LARS2: variants seen among roughly 807,000 people sequenced by gnomAD.
LARS2 encodes leucyl-tRNA synthetase 2, mitochondrial, also known as leucine--tRNA ligase, mitochondrial.
A neutral mutation model predicts 116.6 loss-of-function variants in LARS2; 81 were observed. The ratio of observed to expected loss-of-function variants is 0.69; its 90% CI spans 0.58 to 0.84. LARS2 has a LOEUF of 0.84. Ranked by LOEUF, LARS2 falls within the 40% of genes least tolerant of loss-of-function variation. LARS2 has a pLI of 0.00. For synonymous variants in LARS2, 396 were observed against 407.2 expected (o/e 0.97, Z 0.33); for missense variants, 968 against 1,114.5 (o/e 0.87, Z 1.87).
intron 4 of LARS2, among the ~76,000 whole-genome samples, chr3:45,412,799 C>A (rs1698352577): frequency 6.6e-6 from 1 of 152,176 alleles, no homozygotes; most frequent in Non-Finnish European, 1.5e-5. Flanking sequence ...AGCACATATC[C>A]CTTACAGAAA....
At chr3:45,460,409 A>G (rs1213305365) in intron 8 of LARS2, among the ~76,000 whole-genome samples, 3 of 152,212 alleles carry the variant, frequency 2.0e-5, no homozygotes, top group Non-Finnish European at 2.9e-5. Context: ...TGATTCTGTT[A>G]TAGGCATTGT....
Position 45,520,273 on chromosome 3 carries a change from A to T in LARS2, c.2269A>T (p.Met757Leu), listed in dbSNP as rs1478071728. The T allele has an allele frequency of 2.5e-6, 4 of 1,613,542 alleles. No homozygotes were observed. The highest frequency in any genetic ancestry group is 3.4e-6 in the Non-Finnish European group (4 of 1,179,516). ...ACTGAATTCTGCAATTTCTCAGCTGATGGGACTCAGCAATGCCCTCTCGGT... is the reference window on the plus strand; with the variant it reads ...ACTGAATTCTGCAATTTCTCAGCTGTTGGGACTCAGCAATGCCCTCTCGGT... ...FSLNSAISQL[M>L]GLSNALSQAS... Residue 757 changes from methionine (M) to leucine (L), a missense_variant, in exon 19 of 22, where the codon ATG (methionine) becomes TTG (leucine). Physicochemically the swap from Met to Leu is conservative, Grantham distance 15. Coordinates refer to ENST00000645846, the MANE Select transcript of LARS2 (RefSeq NM_015340.4).
intron 3 of LARS2, among the ~76,000 whole-genome samples, chr3:45,395,832 T>A (rs549483147): frequency 1.3e-5 from 2 of 152,280 alleles, no homozygotes; most frequent in African/African-American, 4.8e-5. Flanking sequence ...TTGAAAAAGA[T>A]GTAGTGTGTA....
intron 4 of LARS2, among the ~76,000 whole-genome samples, chr3:45,405,597 G>C (rs1214335244): frequency 2.0e-5 from 3 of 152,140 alleles, no homozygotes; most frequent in Non-Finnish European, 1.5e-5. Flanking sequence ...TGTCATTCTA[G>C]ATGATTACTT....
rs1207073969 is a variant in LARS2, at chr3:45,513,206, A to G, written c.1832A>G (p.Tyr611Cys). The G allele has an allele frequency of 1.2e-6, 2 of 1,612,778 alleles. No individual in the cohort carries two copies. The highest frequency in any genetic ancestry group is 1.7e-6 in the Non-Finnish European group (2 of 1,178,728). Reference sequence around the variant, plus strand: ...ACATTCCGCCTACCATCTGGACAGTATCTACAGAGAGAGGAAGTGGATCTC... The same window carrying G: ...ACATTCCGCCTACCATCTGGACAGTGTCTACAGAGAGAGGAAGTGGATCTC... ...GQTFRLPSGQ[Y>C]LQREEVDLTG... is the part of the protein sequence containing the mutation. Residue 611 changes from tyrosine to cysteine, a missense_variant, in exon 16 of 22, where the codon TAT becomes TGT. By Grantham distance (194) the Tyr-to-Cys change is radical. Coordinates refer to ENST00000645846, the MANE Select transcript of LARS2 (RefSeq NM_015340.4).
intron 21 of LARS2, among the ~76,000 whole-genome samples, chr3:45,546,043 G>A (rs948783390): frequency 6.6e-6 from 1 of 151,798 alleles, no homozygotes; most frequent in African/African-American, 2.4e-5. Flanking sequence ...CCCCACATGA[G>A]AGCACCATGC....
chr3:45,421,864 A>C (rs540480279), intron 6 of LARS2: 3 of 152,362 alleles, frequency 2.0e-5, no homozygotes, highest in East Asian at 3.9e-4. Context: ...CTGACAACAC[A>C]GTCTCTTGCA....
At chr3:45,474,529 A>G (rs761023569) in intron 9 of LARS2, among the ~76,000 whole-genome samples, 179 bp downstream of exon 9, 1 of 152,252 alleles carries the variant, frequency 6.6e-6, no homozygotes, top group African/African-American at 2.4e-5. Context: ...ATGAATTTCA[A>G]TAACATATTT....
At chr3:45,433,017 G>A (rs2125696070) in intron 6 of LARS2, among the ~76,000 whole-genome samples, 1 of 152,058 alleles carries the variant, frequency 6.6e-6, no homozygotes, top group Admixed American at 6.5e-5. Context: ...TACATTAAGT[G>A]TACTTTATAA....
intron 15 of LARS2, 94 bp downstream of exon 15, chr3:45,500,673 A>G: frequency 1.1e-6 from 1 of 910,632 alleles, no homozygotes; most frequent in Non-Finnish European, 1.6e-6. Flanking sequence ...AAATGCATGT[A>G]GTAGAATACT....
intron 14 of LARS2, among the ~76,000 whole-genome samples, chr3:45,500,082 A>G (rs1700093816): frequency 2.0e-5 from 3 of 151,674 alleles, no homozygotes; most frequent in African/African-American, 7.3e-5. Context: ...GCTCACTGCA[A>G]CCTCTGCCTC....
intron 6 of LARS2, among the ~76,000 whole-genome samples, chr3:45,439,346 G>A (rs956472868): frequency 1.4e-5 from 2 of 146,310 alleles, no homozygotes; most frequent in Admixed American, 1.4e-4. Context: ...TCAGCCTCCC[G>A]AGTAGCTGGG....
At chr3:45,482,748 G>A (rs934938989) in intron 10 of LARS2, among the ~76,000 whole-genome samples, 12 of 152,198 alleles carry the variant, frequency 7.9e-5, no homozygotes, top group African/African-American at 2.7e-4. Flanking sequence ...TACAAGTTCA[G>A]TGGCTATGAC....
In LARS2 at chr3:45,485,503, G is replaced by A. The variant is rs9842998; in HGVS notation, c.1019-189G>A. ...CATGGAAGAACATTTTTTCATGTGC[G>A]TATTTAATCTTTTGATTATTCACTG... On this transcript the variant is annotated intron_variant, in intron 10 of 21. Coordinates refer to ENST00000645846, the MANE Select transcript of LARS2 (RefSeq NM_015340.4). 0.018 allele frequency among the ~76,000 whole-genome samples: 2,718 copies of A among 152,230 alleles called. 72 individuals carry two copies. Among genetic ancestry groups the A allele is most frequent in the African/African-American group, 0.058 (2,415 of 41,560 alleles).
rs761440676 is a variant in LARS2 at position 45,517,887 on chromosome 3, C to G, written c.2045-16C>G. ...TTGCACGCTCTCTCTTTCTCATTTA[C>G]TGATGCTGAATTCAGCTGATGCTCT... On this transcript the variant is annotated splice_polypyrimidine_tract_variant and intron_variant, in intron 17 of 21. Transcript: ENST00000645846. 1.2e-6 allele frequency: 2 copies of G among 1,605,038 alleles called. No homozygotes were observed. The highest frequency in any genetic ancestry group is 1.7e-6 in the Non-Finnish European group (2 of 1,175,454).
At chr3:45,506,086 C>G (rs999735098) in intron 15 of LARS2, among the ~76,000 whole-genome samples, 4 of 152,018 alleles carry the variant, frequency 2.6e-5, no homozygotes, top group African/African-American at 9.7e-5. Context: ...TGAAATAGAC[C>G]TATGGAGTTT....
chr3:45,442,226 A>G (rs967029109), intron 6 of LARS2, among the ~76,000 whole-genome samples: 3 of 152,148 alleles, frequency 2.0e-5, no homozygotes, highest in African/African-American at 7.2e-5. Flanking sequence ...TCTTACCCAC[A>G]AGCTATCCCA....
intron 7 of LARS2, among the ~76,000 whole-genome samples, chr3:45,456,822 A>G (rs953862846): frequency 2.0e-5 from 3 of 152,178 alleles, no homozygotes; most frequent in Admixed American, 6.5e-5. Context: ...AAATTTTCCA[A>G]TGGGGGTACT....
intron 6 of LARS2, among the ~76,000 whole-genome samples, chr3:45,427,636 C>T (rs375196482): frequency 1.3e-5 from 2 of 152,086 alleles, no homozygotes; most frequent in African/African-American, 2.4e-5. Context: ...GAGCATAAAA[C>T]GTGTATGTAT....
Sources: allele counts gnomAD v4.1 joint callset (sites outside exome capture counted in the v4.1 genomes callset), GRCh38; gene constraint gnomAD v4.1.1; transcripts MANE v1.5; gene names NCBI Gene and HGNC (gene_info 2026-07-23, HGNC 2026-07-21).